Variants in SGCZ observed in about 807,000 individuals in gnomAD.
SGCZ encodes the protein sarcoglycan zeta.
In SGCZ, 40 loss-of-function variants were observed where a neutral mutation model predicts 41.3. That is an observed-to-expected ratio of 0.97 (90% CI 0.75 to 1.26). SGCZ has a LOEUF of 1.26. Among genes scored for constraint, SGCZ ranks in the 50% most tolerant of loss-of-function variants. The probability of loss-of-function intolerance (pLI) is 0.00; values close to 1 mark genes in which losing one functional copy is unlikely to be tolerated. For missense variants in SGCZ, 552 were observed against 369.8 expected (o/e 1.49, Z -4.04); for synonymous variants, 206 against 137.5 (o/e 1.50, Z -3.49).
At chr8:15,139,789 C>A (rs928231233) in intron 1 of SGCZ, among the ~76,000 whole-genome samples, 3 of 152,278 alleles carry the variant, frequency 2.0e-5, no homozygotes, top group Middle Eastern at 3.4e-3. Flanking sequence ...CTCTCCCCTG[C>A]AATTACTGTT....
chr8:14,530,077 C>A (rs189524108), intron 2 of SGCZ, among the ~76,000 whole-genome samples: 1 of 151,946 alleles, frequency 6.6e-6, no homozygotes, highest in South Asian at 2.1e-4. Flanking sequence ...ATCTGAAAGA[C>A]GCTAAATAAA....
At chr8:14,922,682 C>A (rs1432383821) in intron 1 of SGCZ, among the ~76,000 whole-genome samples, 1 of 152,038 alleles carries the variant, frequency 6.6e-6, no homozygotes, top group Non-Finnish European at 1.5e-5. Flanking sequence ...TGGGGTATTC[C>A]ACTAGACCAA....
At chr8:14,109,851 A>G (rs564129193) in intron 5 of SGCZ, among the ~76,000 whole-genome samples, 22 of 152,178 alleles carry the variant, frequency 1.4e-4, no homozygotes, top group African/African-American at 5.3e-4. Flanking sequence ...CTTACTTACC[A>G]GGTTCTGCTG....
intron 1 of SGCZ, among the ~76,000 whole-genome samples, chr8:14,713,703 A>AAG (rs965021809): frequency 6.7e-6 from 1 of 149,972 alleles, no homozygotes; most frequent in Non-Finnish European, 1.5e-5. Flanking sequence ...AAGAAAAAAA[A>AAG]AAAAGCTAAA....
At chr8:14,991,322 C>G (rs1047098177) in intron 1 of SGCZ, among the ~76,000 whole-genome samples, 1 of 152,080 alleles carries the variant, frequency 6.6e-6, no homozygotes, top group Non-Finnish European at 1.5e-5. Flanking sequence ...GCATCAGCAC[C>G]ACCAAGGAGT....
At chr8:14,349,765 G>A (rs987150488) in intron 2 of SGCZ, among the ~76,000 whole-genome samples, 3 of 152,042 alleles carry the variant, frequency 2.0e-5, no homozygotes, top group African/African-American at 7.2e-5. Flanking sequence ...GTAGCTTATA[G>A]TACCTTAATA....
intron 2 of SGCZ, among the ~76,000 whole-genome samples, chr8:14,434,972 A>G (rs1346836537): frequency 6.6e-6 from 1 of 152,136 alleles, no homozygotes; most frequent in African/African-American, 2.4e-5. Flanking sequence ...CAGCCTCCAA[A>G]ATGGTAAGAA....
chr8:14,117,408 C>CTGTGTGTGTGTGTGTGTG (rs57595662), intron 5 of SGCZ, among the ~76,000 whole-genome samples: 3 of 131,492 alleles, frequency 2.3e-5, no homozygotes, highest in African/African-American at 8.4e-5. Context: ...ATGCACACAT[C>CTGTGTGTGTGTGTGTGTG]TGTGTGTGTG....
rs185058054 is a variant in SGCZ at position 15,100,851 on chromosome 8, T to G, written c.39+136734A>C. On this transcript the variant is annotated intron_variant, in intron 1 of 7. Coordinates refer to ENST00000382080, the MANE Select transcript of SGCZ (RefSeq NM_139167.4). ...TAAAAATAAAAAAATTAGTTGGGCATGGTGGCGCACACCTATGGTCCCAAC... is the reference window on the plus strand; with the variant it reads ...TAAAAATAAAAAAATTAGTTGGGCAGGGTGGCGCACACCTATGGTCCCAAC... Among the ~76,000 whole-genome samples the G allele has an allele frequency of 4.8e-4, 73 of 152,114 alleles. 1 individual carries two copies. In the East Asian group the frequency reaches 9.9e-3, roughly 21 times the overall value.
chr8:14,369,916 A>G (rs1194782722), intron 2 of SGCZ, among the ~76,000 whole-genome samples: 11 of 152,146 alleles, frequency 7.2e-5, no homozygotes, highest in Non-Finnish European at 4.4e-5. Flanking sequence ...ATTAATTTCT[A>G]TTTCTACAGG....
chr8:14,686,936 G>A (rs1174650245), intron 1 of SGCZ, among the ~76,000 whole-genome samples: 4 of 151,736 alleles, frequency 2.6e-5, no homozygotes, highest in African/African-American at 9.7e-5. Flanking sequence ...TTGTACTTGA[G>A]CCTTTGCAAC....
intron 1 of SGCZ, among the ~76,000 whole-genome samples, chr8:14,576,031 G>A (rs183607265): frequency 1.3e-5 from 2 of 151,516 alleles, no homozygotes; most frequent in East Asian, 2.0e-4. Flanking sequence ...AAGCAATACT[G>A]TACCAACATC....
intron 2 of SGCZ, among the ~76,000 whole-genome samples, chr8:14,431,903 C>T (rs539044415): frequency 6.6e-6 from 1 of 152,096 alleles, no homozygotes; most frequent in African/African-American, 2.4e-5. Flanking sequence ...GAAGATACAC[C>T]AATGGCCAAC....
At chr8:15,121,967 C>T (rs756805749) in intron 1 of SGCZ, among the ~76,000 whole-genome samples, 8 of 147,936 alleles carry the variant, frequency 5.4e-5, no homozygotes, top group Admixed American at 1.4e-4. Flanking sequence ...AGTATGGAAG[C>T]GAAAGGTATA....
chr8:14,311,822 T>C (rs192436056), intron 3 of SGCZ, among the ~76,000 whole-genome samples: 1 of 152,268 alleles, frequency 6.6e-6, no homozygotes, highest in Admixed American at 6.5e-5. Flanking sequence ...AAATACACTG[T>C]AATAAAAAGT....
intron 1 of SGCZ, among the ~76,000 whole-genome samples, chr8:14,570,839 T>C (rs1230298121): frequency 6.6e-6 from 1 of 152,182 alleles, no homozygotes; most frequent in Non-Finnish European, 1.5e-5. Context: ...TCCAGTATTG[T>C]GCAATTGAAA....
chr8:15,224,200 T>A (rs1160384203), intron 1 of SGCZ, among the ~76,000 whole-genome samples: 1 of 152,172 alleles, frequency 6.6e-6, no homozygotes, highest in Non-Finnish European at 1.5e-5. Context: ...TTACATAAAC[T>A]CTATTTATAA....
chr8:14,557,977 T>C (rs1804084142), intron 1 of SGCZ, among the ~76,000 whole-genome samples: 2 of 151,984 alleles, frequency 1.3e-5, no homozygotes, highest in Non-Finnish European at 2.9e-5. Flanking sequence ...AGAAATGAAA[T>C]GGGAGACAAT....
intron 1 of SGCZ, among the ~76,000 whole-genome samples, chr8:14,564,300 T>C (rs1470861799): frequency 8.1e-6 from 1 of 123,432 alleles, no homozygotes; most frequent in African/African-American, 2.9e-5. Flanking sequence ...TTGCTGTCAC[T>C]GTTCATTAGG....
Sources: gnomAD v4.1 joint callset for allele counts (sites outside exome capture counted in the v4.1 genomes callset) on GRCh38, gnomAD v4.1.1 for gene constraint, MANE v1.5 for transcripts, NCBI Gene and HGNC (gene_info 2026-07-23, HGNC 2026-07-21) for gene names.